STK32B: variants seen among roughly 807,000 people sequenced by gnomAD.
STK32B encodes the protein serine/threonine kinase 32B.
In STK32B, 43 loss-of-function variants were observed where a neutral mutation model predicts 52.6. The observed-to-expected ratio is 0.82, with a 90% CI of 0.64 to 1.05. The LOEUF (loss-of-function observed/expected upper bound fraction) is 1.05. Ranked by LOEUF, STK32B falls within the 50% of genes least tolerant of loss-of-function variation. STK32B has a pLI of 0.00. For missense variants in STK32B, 621 were observed against 534.6 expected, an observed-to-expected ratio of 1.16 and a Z score of -1.59; for synonymous variants, 238 against 204.3, an observed-to-expected ratio of 1.17 and a Z score of -1.41.
At chr4:5,477,200 G>T (rs566515918) in intron 11 of STK32B, among the ~76,000 whole-genome samples, 2 of 152,032 alleles carry the variant, frequency 1.3e-5, no homozygotes, top group Non-Finnish European at 2.9e-5. Flanking sequence ...GTTAAGCATG[G>T]CTATTATTAT....
intron 3 of STK32B, among the ~76,000 whole-genome samples, chr4:5,243,525 C>G (rs368148622): frequency 6.6e-6 from 1 of 152,112 alleles, no homozygotes; most frequent in Non-Finnish European, 1.5e-5. Flanking sequence ...CATCTGCAAA[C>G]AGGGACAATT....
chr4:5,457,404 A>T (rs1716647943), intron 8 of STK32B, among the ~76,000 whole-genome samples: 1 of 150,156 alleles, frequency 6.7e-6, no homozygotes. Flanking sequence ...TTTAGTAGAG[A>T]CGGGGTTTCA....
intron 3 of STK32B, among the ~76,000 whole-genome samples, chr4:5,206,734 C>T (rs1262019609): frequency 6.6e-6 from 1 of 152,164 alleles, no homozygotes; most frequent in Non-Finnish European, 1.5e-5. Flanking sequence ...AGTGAGACAG[C>T]ATCTGCCAGA....
At chr4:5,335,829 C>T (rs997242541) in intron 4 of STK32B, among the ~76,000 whole-genome samples, 22 of 151,966 alleles carry the variant, frequency 1.4e-4, no homozygotes, top group Non-Finnish European at 2.5e-4. Flanking sequence ...TTTGATTGCA[C>T]TGTGATCTGA....
intron 1 of STK32B, among the ~76,000 whole-genome samples, chr4:5,078,337 G>A (rs138130558): frequency 5.3e-4 from 81 of 152,240 alleles, no homozygotes; most frequent in African/African-American, 1.7e-3. Context: ...GAAGAAATTA[G>A]AATGGCTTTA....
intron 11 of STK32B, among the ~76,000 whole-genome samples, chr4:5,487,142 C>G (rs974302116): frequency 3.3e-5 from 5 of 152,202 alleles, no homozygotes; most frequent in Non-Finnish European, 5.9e-5. Flanking sequence ...CAGAATGGAT[C>G]TGTCCCAGTT....
intron 3 of STK32B, among the ~76,000 whole-genome samples, chr4:5,296,960 T>G (rs1729242545): frequency 6.6e-6 from 1 of 152,230 alleles, no homozygotes. Context: ...GGAGCTCTTG[T>G]AAGGCAGGCC....
At chr4:5,409,523 T>C (rs1173011012) in intron 5 of STK32B, among the ~76,000 whole-genome samples, 1 of 152,180 alleles carries the variant, frequency 6.6e-6, no homozygotes, top group Non-Finnish European at 1.5e-5. Flanking sequence ...TTAAGAATCA[T>C]GGACATAGAG....
At chr4:5,093,216 A>G (rs1000373507) in intron 1 of STK32B, among the ~76,000 whole-genome samples, 3 of 152,244 alleles carry the variant, frequency 2.0e-5, no homozygotes, top group Non-Finnish European at 4.4e-5. Context: ...ACTTACTACC[A>G]TAAAATGTAT....
intron 9 of STK32B, among the ~76,000 whole-genome samples, chr4:5,466,141 A>C (rs1352354157): frequency 6.6e-6 from 1 of 152,148 alleles, no homozygotes; most frequent in Non-Finnish European, 1.5e-5. Context: ...TCTGGGTCCA[A>C]GGCCCAGAAG....
At chr4:5,173,618 G>C (rs1417262918) in intron 3 of STK32B, among the ~76,000 whole-genome samples, 1 of 152,202 alleles carries the variant, frequency 6.6e-6, no homozygotes, top group East Asian at 1.9e-4. Flanking sequence ...GCGGTTTTGA[G>C]TGAGTTTCTT....
At chr4:5,172,344 T>C (rs1283877444) in intron 3 of STK32B, among the ~76,000 whole-genome samples, 1 of 152,196 alleles carries the variant, frequency 6.6e-6, no homozygotes, top group Admixed American at 6.5e-5. Context: ...TCCAACACTA[T>C]GTTGAATAGG....
At chr4:5,172,187 A>G (rs1301416370) in intron 3 of STK32B, among the ~76,000 whole-genome samples, 1 of 152,186 alleles carries the variant, frequency 6.6e-6, no homozygotes, top group Non-Finnish European at 1.5e-5. Context: ...GAAGTTGCTT[A>G]TTAGGTTAAG....
At chr4:5,031,080 G>A in the STK32B span, among the ~76,000 whole-genome samples, 1 of 152,162 alleles carries the variant, frequency 6.6e-6, no homozygotes, top group Non-Finnish European at 1.5e-5. Context: ...GTTATCCAGA[G>A]GCTGAATTTT....
chr4:5,244,173 C>T (rs1421399921), intron 3 of STK32B, among the ~76,000 whole-genome samples: 1 of 152,108 alleles, frequency 6.6e-6, no homozygotes, highest in African/African-American at 2.4e-5. Flanking sequence ...CCTCCGTGTA[C>T]CTCTGGTAGA....
intron 3 of STK32B, among the ~76,000 whole-genome samples, chr4:5,230,952 A>G (rs1396941585): frequency 6.6e-6 from 1 of 152,200 alleles, no homozygotes. Context: ...CAGACAATTT[A>G]GAGTCTATGG....
chr4:5,338,295 GT>G (rs1404899005), intron 4 of STK32B, among the ~76,000 whole-genome samples: 1 of 152,180 alleles, frequency 6.6e-6, no homozygotes, highest in East Asian at 1.9e-4. Flanking sequence ...ATTGTTCAGC[GT>G]AATACACAAC....
chr4:5,154,891 C>T (rs16836726), intron 2 of STK32B, among the ~76,000 whole-genome samples: 8,594 of 152,226 alleles, frequency 0.056, 288 homozygotes, highest in South Asian at 0.12. Flanking sequence ...CAGGGATGTG[C>T]GCAAATCATG....
At chr4:5,336,642 G>T (rs1449523185) in intron 4 of STK32B, among the ~76,000 whole-genome samples, 1 of 152,078 alleles carries the variant, frequency 6.6e-6, no homozygotes, top group Non-Finnish European at 1.5e-5. Flanking sequence ...CAAAATATAT[G>T]CTGGAAGATA....
Sources: allele counts gnomAD v4.1 joint callset (sites outside exome capture counted in the v4.1 genomes callset), GRCh38; gene constraint gnomAD v4.1.1; transcripts MANE v1.5; gene names NCBI Gene and HGNC (gene_info 2026-07-23, HGNC 2026-07-21).